Variants in TMEM45B observed in about 807,000 individuals in gnomAD.
TMEM45B encodes transmembrane protein 45B.
A neutral mutation model predicts 27.3 loss-of-function variants in TMEM45B; 29 were observed. That is an observed-to-expected ratio of 1.06 (90% CI 0.79 to 1.45). The LOEUF is 1.45. Among genes scored for constraint, TMEM45B ranks in the 40% most tolerant of loss-of-function variants. TMEM45B has a pLI of 0.00. For synonymous variants in TMEM45B, 143 were observed against 134.7 expected, an observed-to-expected ratio of 1.06 and a Z score of -0.43; for missense variants, 348 against 343.9, an observed-to-expected ratio of 1.01 and a Z score of -0.09.
rs200040338 is a variant in TMEM45B at position 129,837,585 on chromosome 11, C to CTTTTTTTTTTTTTTTTTTTTTT, written c.-8-14875_-8-14874insTTTTTTTTTTTTTTTTTTTTTT. 2.1e-3 allele frequency among the ~76,000 whole-genome samples: 165 copies of CTTTTTTTTTTTTTTTTTTTTTT among 80,266 alleles called. 36 individuals are homozygous for CTTTTTTTTTTTTTTTTTTTTTT. Among genetic ancestry groups the CTTTTTTTTTTTTTTTTTTTTTT allele is most frequent in the East Asian group, 4.1e-3 (9 of 2,186 alleles). 52.7% of individuals were successfully genotyped at this position (80,266 alleles called of 152,430 possible). A position where few individuals can be genotyped will look rare whatever the true frequency, so the allele number is the denominator to read the frequency against. On this transcript the variant is annotated intron_variant, in intron 1 of 5. Transcript: ENST00000281441. ...TACAGGCATGAGCCACTGCACTGGG[C>CTTTTTTTTTTTTTTTTTTTTTT]TTTTTTTTTTTTTTTGAGACAGGGT...
At chr11:129,833,268 A>T (rs1266218110) in intron 1 of TMEM45B, among the ~76,000 whole-genome samples, 1 of 151,718 alleles carries the variant, frequency 6.6e-6, no homozygotes, top group Non-Finnish European at 1.5e-5. Context: ...TAAAAAAAAA[A>T]AAAGGAAATG....
Position 129,857,464 on chromosome 11 carries a change from T to C in TMEM45B, c.716+6T>C. 6.2e-7 allele frequency: 1 copy of C among 1,614,022 alleles called. No individual in the cohort carries two copies. The highest frequency in any genetic ancestry group is 8.5e-7 in the Non-Finnish European group (1 of 1,179,968). ...AACTATTCTCTTGTTTACTGGTATG[T>C]CTGAGACTTCAGTGAAGCTTTTCCT... is the stretch of plus-strand genomic sequence containing the variant. On this transcript the variant is annotated splice_donor_region_variant and intron_variant, in intron 5 of 5. Coordinates refer to ENST00000281441, the MANE Select transcript of TMEM45B (RefSeq NM_138788.5).
intron 3 of TMEM45B, 61 bp from the exon 4 acceptor site, chr11:129,855,646 GA>G: frequency 6.3e-7 from 1 of 1,585,578 alleles, no homozygotes; most frequent in South Asian, 1.1e-5. Flanking sequence ...GGTGTAGGAG[GA>G]AACTTCGGTG....
At chr11:129,822,845 T>C (rs1947435729) in intron 1 of TMEM45B, among the ~76,000 whole-genome samples, 1 of 150,156 alleles carries the variant, frequency 6.7e-6, no homozygotes, top group Admixed American at 6.6e-5. Flanking sequence ...ATTTTTCTTT[T>C]TTTTTTTTTT....
At chr11:129,844,431 A>G (rs1390003788) in intron 1 of TMEM45B, among the ~76,000 whole-genome samples, 1 of 152,180 alleles carries the variant, frequency 6.6e-6, no homozygotes, top group East Asian at 1.9e-4. Context: ...TATGTCTGTA[A>G]TCGCAGCACC....
At chr11:129,818,116 T>C (rs1366844833) in intron 1 of TMEM45B, among the ~76,000 whole-genome samples, 2 of 152,230 alleles carry the variant, frequency 1.3e-5, no homozygotes, top group Non-Finnish European at 2.9e-5. Context: ...CACACTTTCT[T>C]TGAACTCTTA....
intron 1 of TMEM45B, among the ~76,000 whole-genome samples, chr11:129,851,601 T>G (rs1591450565): frequency 1.3e-5 from 2 of 150,628 alleles, no homozygotes; most frequent in East Asian, 3.9e-4. Flanking sequence ...CACCTGGATT[T>G]TGGAGGGGAC....
At chr11:129,857,153 G>A (rs995624714) in intron 4 of TMEM45B, among the ~76,000 whole-genome samples, 160 bp from the exon 5 acceptor site, 9 of 152,154 alleles carry the variant, frequency 5.9e-5, no homozygotes, top group Admixed American at 5.9e-4. Context: ...TACCTGGCCA[G>A]AGCCATTTTT....
At chr11:129,854,574 C>T (rs780332292) in intron 2 of TMEM45B, 36 bp from the exon 3 acceptor site, 12 of 1,599,256 alleles carry the variant, frequency 7.5e-6, no homozygotes, top group Non-Finnish European at 7.7e-6. Flanking sequence ...TAGAGCTACT[C>T]TTCCCTCTAA....
At chr11:129,857,272 A>G (rs758213883) in intron 4 of TMEM45B, 41 bp from the exon 5 acceptor site, 5 of 1,606,444 alleles carry the variant, frequency 3.1e-6, no homozygotes, top group Non-Finnish European at 4.3e-6. Context: ...GCTTCTCAGG[A>G]CGACCAACCA....
chr11:129,852,149 G>C (rs1293056778), intron 1 of TMEM45B, among the ~76,000 whole-genome samples: 1 of 151,990 alleles, frequency 6.6e-6, no homozygotes, highest in Admixed American at 6.6e-5. Flanking sequence ...TTCTTTTCTA[G>C]TTCCCCCCTT....
chr11:129,824,663 G>C (rs771239421), intron 1 of TMEM45B, among the ~76,000 whole-genome samples: 1 of 152,334 alleles, frequency 6.6e-6, no homozygotes, highest in South Asian at 2.1e-4. Flanking sequence ...TATGTATCAA[G>C]CTTGTGCTAG....
At chr11:129,846,881 A>G (rs1270988465) in intron 1 of TMEM45B, among the ~76,000 whole-genome samples, 1 of 152,182 alleles carries the variant, frequency 6.6e-6, no homozygotes, top group Non-Finnish European at 1.5e-5. Flanking sequence ...AATGTCCTGA[A>G]GCAGGAATGG....
rs142972985 is a variant in TMEM45B at position 129,855,821 on chromosome 11, T to C, written c.499T>C (p.Phe167Leu). Reference sequence around the variant, plus strand: ...TGTTAGTATCTCCCTAGAGGTGATCTTCCGGGACCACATTGTGCTGGAACT... The same window carrying C: ...TGTTAGTATCTCCCTAGAGGTGATCCTCCGGGACCACATTGTGCTGGAACT... ...GCVSISLEVI[F>L]RDHIVLELFR... Residue 167 changes from phenylalanine (F) to leucine (L), a missense_variant, in exon 4 of 6, where the codon TTC becomes CTC. Transcript: ENST00000281441. 51 of 1,614,050 alleles carry C rather than the reference T, an allele frequency of 3.2e-5. No individual in the cohort carries two copies. The highest frequency in any genetic ancestry group is 4.3e-5 in the Non-Finnish European group (51 of 1,180,032).
rs1244331752 is a variant in TMEM45B, at chr11:129,838,376, G to C, written c.-8-14099G>C. 2.6e-5 allele frequency among the ~76,000 whole-genome samples: 4 copies of C among 152,256 alleles called. No homozygotes were observed. The East Asian group carries it at 7.7e-4, about 29-fold the overall frequency. ...CCCCGTTGTGAGCCACTGGACTCGA[G>C]AATGACCTAATGGCTTAACCTTGTA... On this transcript the variant is annotated intron_variant, in intron 1 of 5. Transcript: ENST00000281441.
intron 1 of TMEM45B, among the ~76,000 whole-genome samples, chr11:129,837,585 C>CCTTTTTTTTTTTTTTTTT (rs1947636610): frequency 3.7e-5 from 3 of 80,294 alleles, no homozygotes; most frequent in African/African-American, 1.3e-4. Flanking sequence ...CTGCACTGGG[C>CCTTTTTTTTTTTTTTTTT]TTTTTTTTTT....
chr11:129,844,085 G>GTA lies in TMEM45B; in HGVS notation c.-8-8379_-8-8378dup, dbSNP rs58280860. On this transcript the variant is annotated intron_variant, in intron 1 of 5. Coordinates refer to ENST00000281441, the MANE Select transcript of TMEM45B (RefSeq NM_138788.5). ...GATGAATGGACAAAAAAAATGTGGT[G>GTA]TATATATATATAGAATGGGATATTA... Among the ~76,000 whole-genome samples the GTA allele has an allele frequency of 7.5e-3, 1,133 of 151,852 alleles. 8 individuals carry two copies. The highest frequency in any genetic ancestry group is 0.025 in the African/African-American group (1,037 of 41,412).
At chr11:129,854,908 A>AGGAAC in intron 3 of TMEM45B, 92 bp downstream of exon 3, 8 of 1,442,832 alleles carry the variant, frequency 5.5e-6, no homozygotes, top group Non-Finnish European at 6.6e-6. Flanking sequence ...TGTTGCAAAT[A>AGGAAC]TAATAACCTC....
chr11:129,854,713 A>C lies in TMEM45B; in HGVS notation c.282A>C (p.Leu94=). The change falls in exon 3 of 6, where the codon CTA becomes CTC. Residue 94 remains leucine (L), a synonymous_variant. Transcript: ENST00000281441. ...ATTGGCAGCACAGCACCATGTACCT[A>C]TTCTTTGCAGTCTCAGGAATTGTTG... ...LMNWQHSTMY[L]FFAVSGIVDM... The C allele has an allele frequency of 6.2e-7, 1 of 1,614,198 alleles. No individual in the cohort carries two copies. Among genetic ancestry groups the C allele is most frequent in the Non-Finnish European group, 8.5e-7 (1 of 1,180,038 alleles).
Sources: allele counts gnomAD v4.1 joint callset (sites outside exome capture counted in the v4.1 genomes callset), GRCh38; gene constraint gnomAD v4.1.1; transcripts MANE v1.5; gene names NCBI Gene and HGNC (gene_info 2026-07-23, HGNC 2026-07-21).